SGCZ: variants seen among roughly 807,000 people sequenced by gnomAD.
The protein encoded by SGCZ is sarcoglycan zeta, also known as zeta-sarcoglycan.
Under a neutral mutation model 41.3 loss-of-function variants are expected in SGCZ, and 40 were observed. The observed-to-expected ratio is 0.97, with a 90% confidence interval of 0.75 to 1.26. The LOEUF is 1.26. Ranked by LOEUF, SGCZ falls within the 50% of genes most tolerant of loss-of-function variation. The probability of loss-of-function intolerance (pLI) is 0.00; values close to 1 mark genes in which losing one functional copy is unlikely to be tolerated. For missense variants in SGCZ, 552 were observed against 369.8 expected (o/e 1.49, Z -4.04); for synonymous variants, 206 against 137.5 (o/e 1.50, Z -3.49).
chr8:14,663,110 T>A (rs996860212), intron 1 of SGCZ, among the ~76,000 whole-genome samples: 1 of 152,160 alleles, frequency 6.6e-6, no homozygotes, highest in African/African-American at 2.4e-5. Context: ...AACTATAACA[T>A]TGGTGTCTTT....
At chr8:14,224,108 C>T (rs1262310072) in intron 4 of SGCZ, among the ~76,000 whole-genome samples, 1 of 152,172 alleles carries the variant, frequency 6.6e-6, no homozygotes, top group Non-Finnish European at 1.5e-5. Context: ...TTAGCTCAAA[C>T]TTAAAGGAAC....
intron 1 of SGCZ, among the ~76,000 whole-genome samples, chr8:14,735,954 C>G (rs1167940603): frequency 1.3e-5 from 2 of 151,954 alleles, no homozygotes; most frequent in Non-Finnish European, 2.9e-5. Flanking sequence ...AGATAAAAGT[C>G]TACCAAATAT....
chr8:15,210,680 A>G (rs1016982238), intron 1 of SGCZ, among the ~76,000 whole-genome samples: 10 of 151,976 alleles, frequency 6.6e-5, no homozygotes, highest in African/African-American at 2.4e-4. Context: ...CTCCCTCATG[A>G]TCTTGTATTG....
At chr8:14,377,526 A>AT (rs906974326) in intron 2 of SGCZ, among the ~76,000 whole-genome samples, 4 of 150,324 alleles carry the variant, frequency 2.7e-5, no homozygotes, top group Admixed American at 2.7e-4. Context: ...TTTTGTTTTT[A>AT]TTTTTTTCTT....
At chr8:14,801,476 A>T (rs1051466227) in intron 1 of SGCZ, among the ~76,000 whole-genome samples, 1 of 152,218 alleles carries the variant, frequency 6.6e-6, no homozygotes, top group Admixed American at 6.5e-5. Context: ...TCCTATTAAG[A>T]TTAAAATGCT....
At chr8:14,213,271 A>T (rs993613119) in intron 4 of SGCZ, among the ~76,000 whole-genome samples, 1 of 152,156 alleles carries the variant, frequency 6.6e-6, no homozygotes, top group African/African-American at 2.4e-5. Context: ...AAAAGTAAAG[A>T]CACGCACACA....
intron 1 of SGCZ, among the ~76,000 whole-genome samples, chr8:14,644,379 G>A (rs1807132002): frequency 1.3e-5 from 2 of 151,832 alleles, no homozygotes; most frequent in Non-Finnish European, 2.9e-5. Context: ...TGACCTTCCA[G>A]CAAGCTGCCC....
chr8:14,187,533 T>C (rs1299692203), intron 4 of SGCZ, among the ~76,000 whole-genome samples: 1 of 151,952 alleles, frequency 6.6e-6, no homozygotes, highest in African/African-American at 2.4e-5. Flanking sequence ...GAATTATAAA[T>C]GAATCAAATG....
chr8:14,525,696 G>T (rs1448453949), intron 2 of SGCZ, among the ~76,000 whole-genome samples: 1 of 152,034 alleles, frequency 6.6e-6, no homozygotes, highest in Non-Finnish European at 1.5e-5. Context: ...GTGGGCCTTT[G>T]CAAAGAAGAA....
intron 3 of SGCZ, among the ~76,000 whole-genome samples, chr8:14,267,096 TGA>T (rs1414199549): frequency 1.3e-5 from 2 of 152,130 alleles, no homozygotes; most frequent in Non-Finnish European, 1.5e-5. Flanking sequence ...TGGAATATAA[TGA>T]GTGTGGTAGA....
intron 3 of SGCZ, among the ~76,000 whole-genome samples, chr8:14,296,600 T>A (rs567408526): frequency 6.6e-6 from 1 of 152,310 alleles, no homozygotes. Context: ...AAAACTATAC[T>A]ATTGGAAGGT....
At chr8:15,088,154 T>A (rs1806018613) in intron 1 of SGCZ, among the ~76,000 whole-genome samples, 2 of 152,116 alleles carry the variant, frequency 1.3e-5, no homozygotes, top group African/African-American at 2.4e-5. Flanking sequence ...TACTTTATAT[T>A]TTTTGGTGTT....
chr8:14,357,381 G>C (rs1468791146), intron 2 of SGCZ, among the ~76,000 whole-genome samples: 4 of 151,950 alleles, frequency 2.6e-5, no homozygotes, highest in African/African-American at 4.8e-5. Context: ...TGTTATTTTT[G>C]ACTGAAAATT....
chr8:15,097,884 GTGTGTATATATA>G (rs1806435844), intron 1 of SGCZ, among the ~76,000 whole-genome samples: 3 of 15,618 alleles, frequency 1.9e-4, no homozygotes, highest in African/African-American at 5.5e-4. Flanking sequence ...ATATATATAC[GTGTGTATATATA>G]TATATATATA....
At chr8:14,427,245 A>G (rs1405072768) in intron 2 of SGCZ, among the ~76,000 whole-genome samples, 1 of 152,196 alleles carries the variant, frequency 6.6e-6, no homozygotes, top group African/African-American at 2.4e-5. Flanking sequence ...TAGCCTTAGT[A>G]CATGGATGAG....
chr8:14,445,157 G>A (rs1282623639), intron 2 of SGCZ, among the ~76,000 whole-genome samples: 1 of 152,164 alleles, frequency 6.6e-6, no homozygotes, highest in Non-Finnish European at 1.5e-5. Flanking sequence ...AATTGTGAGA[G>A]TGGCAGGAGG....
intron 1 of SGCZ, among the ~76,000 whole-genome samples, chr8:14,622,751 C>A (rs114424387): frequency 0.019 from 2,883 of 152,148 alleles, 54 homozygotes; most frequent in African/African-American, 0.046. Context: ...TATGAGGAAA[C>A]CAGAAGACTA....
intron 1 of SGCZ, among the ~76,000 whole-genome samples, chr8:14,662,300 T>C (rs1195574066): frequency 6.6e-6 from 1 of 152,242 alleles, no homozygotes; most frequent in Non-Finnish European, 1.5e-5. Flanking sequence ...TTCCAATTTT[T>C]GATTTGTCTG....
intron 2 of SGCZ, among the ~76,000 whole-genome samples, chr8:14,424,736 A>G (rs1023013299): frequency 2.0e-5 from 3 of 152,180 alleles, no homozygotes; most frequent in Non-Finnish European, 4.4e-5. Context: ...ATTTTAATCA[A>G]TGTCACATTT....
Sources: allele counts gnomAD v4.1 joint callset (sites outside exome capture counted in the v4.1 genomes callset), GRCh38; gene constraint gnomAD v4.1.1; transcripts MANE v1.5; gene names NCBI Gene and HGNC (gene_info 2026-07-23, HGNC 2026-07-21).